ZNF804A: variants seen among roughly 807,000 people sequenced by gnomAD.
ZNF804A encodes the protein zinc finger protein 804A.
In ZNF804A, 2 loss-of-function variants were observed where a neutral mutation model predicts 16.5. The observed-to-expected ratio is 0.12, with a 90% CI of 0.05 to 0.38. The LOEUF (loss-of-function observed/expected upper bound fraction) is 0.38, where lower values mean the gene tolerates loss of function less well. Ranked by LOEUF, ZNF804A falls within the 10% of genes least tolerant of loss-of-function variation. The pLI is 0.99. For missense variants in ZNF804A, 1,473 were observed against 1,390.7 expected (o/e 1.06, Z -0.94); for synonymous variants, 534 against 489.6 (o/e 1.09, Z -1.20).
Position 184,936,428 on chromosome 2 carries a change from A to C in ZNF804A, c.1032A>C (p.Glu344Asp), listed in dbSNP as rs752681458. ...CACTAGAGAGTGTTGTTATTAATGAAGACATACCTGTTAGTGGTAACAGTT... is the reference window on the plus strand; with the variant it reads ...CACTAGAGAGTGTTGTTATTAATGACGACATACCTGTTAGTGGTAACAGTT... ...QIPLESVVINEDIPVSGNSFE... is the reference protein window; with the variant it reads ...QIPLESVVINDDIPVSGNSFE... The change falls in exon 4 of 4, where the codon GAA becomes GAC. Residue 344 changes from glutamate to aspartate, a missense_variant. Glu to Asp is a conservative substitution (Grantham distance 45, BLOSUM62 2). Transcript: ENST00000302277. 1 of 1,613,996 alleles carries C rather than the reference A, an allele frequency of 6.2e-7. No individual in the cohort carries two copies.
chr2:184,617,434 T>C (rs2105676967), intron 1 of ZNF804A, among the ~76,000 whole-genome samples: 1 of 151,956 alleles, frequency 6.6e-6, no homozygotes, highest in East Asian at 1.9e-4. Flanking sequence ...ATCATGTAAT[T>C]TGAAAAATAA....
chr2:184,751,946 G>C (rs2105758779), intron 1 of ZNF804A, among the ~76,000 whole-genome samples: 1 of 151,832 alleles, frequency 6.6e-6, no homozygotes, highest in South Asian at 2.1e-4. Context: ...TGTTACATCA[G>C]TCAAAATAGC....
intron 2 of ZNF804A, among the ~76,000 whole-genome samples, chr2:184,899,493 G>A (rs1253421633): frequency 6.6e-6 from 1 of 151,904 alleles, no homozygotes; most frequent in Non-Finnish European, 1.5e-5. Context: ...AATGCAGATG[G>A]CATGGATTCT....
At chr2:184,935,728 A>G (rs1334364064) in intron 3 of ZNF804A, 55 bp from the exon 4 acceptor site, 5 of 1,457,856 alleles carry the variant, frequency 3.4e-6, no homozygotes, top group Non-Finnish European at 4.6e-6. Context: ...ATATTTGACT[A>G]TTTTTTTTTC....
At chr2:184,795,685 C>A (rs1245784222) in intron 1 of ZNF804A, among the ~76,000 whole-genome samples, 1 of 151,816 alleles carries the variant, frequency 6.6e-6, no homozygotes, top group Non-Finnish European at 1.5e-5. Flanking sequence ...CAAGTTTAAC[C>A]AAGAAAAGAA....
intron 1 of ZNF804A, among the ~76,000 whole-genome samples, chr2:184,625,334 T>C (rs972543862): frequency 6.6e-6 from 1 of 152,182 alleles, no homozygotes; most frequent in African/African-American, 2.4e-5. Flanking sequence ...TTATTTTTTC[T>C]CACAAAGTCA....
intron 1 of ZNF804A, among the ~76,000 whole-genome samples, chr2:184,700,600 T>G (rs184271267): frequency 6.6e-6 from 1 of 152,148 alleles, no homozygotes; most frequent in Non-Finnish European, 1.5e-5. Flanking sequence ...AACCTGTAAA[T>G]TCATTGGAAG....
At chr2:184,912,423 T>A (rs576405998) in intron 2 of ZNF804A, among the ~76,000 whole-genome samples, 1 of 152,088 alleles carries the variant, frequency 6.6e-6, no homozygotes, top group South Asian at 2.1e-4. Flanking sequence ...TGTGTAAAAT[T>A]TTTTGTTTGA....
rs189626928 is a variant in ZNF804A at position 184,776,051 on chromosome 2, G to A, written c.112-90318G>A. Among the ~76,000 whole-genome samples, 13 of 151,664 alleles carry A rather than the reference G, an allele frequency of 8.6e-5. No homozygotes were observed. The East Asian group carries it at 2.1e-3, about 25-fold the overall frequency. ...CAAGTATTTACTAAGCACCTTGTTT[G>A]TACCAGGCACCATTTAAAATGACAC... On this transcript the variant is annotated intron_variant, in intron 1 of 3. Coordinates refer to ENST00000302277, the MANE Select transcript of ZNF804A (RefSeq NM_194250.2).
intron 1 of ZNF804A, among the ~76,000 whole-genome samples, chr2:184,753,353 A>G (rs1693904476): frequency 2.0e-5 from 3 of 151,752 alleles, no homozygotes; most frequent in Admixed American, 1.3e-4. Context: ...CAAGATAGTC[A>G]TACATAAAAT....
chr2:184,675,293 T>A (rs2105715256), intron 1 of ZNF804A, among the ~76,000 whole-genome samples: 1 of 151,936 alleles, frequency 6.6e-6, no homozygotes, highest in South Asian at 2.1e-4. Context: ...ATTATGACTA[T>A]CTTAAAGTAC....
intron 1 of ZNF804A, among the ~76,000 whole-genome samples, chr2:184,836,690 T>C (rs1353990893): frequency 6.7e-6 from 1 of 148,670 alleles, no homozygotes; most frequent in Non-Finnish European, 1.5e-5. Context: ...TGTGTATATA[T>C]ATATATATTT....
chr2:184,878,103 A>G (rs370385617), intron 2 of ZNF804A, among the ~76,000 whole-genome samples: 10 of 152,246 alleles, frequency 6.6e-5, no homozygotes, highest in Non-Finnish European at 1.0e-4. Context: ...GTGTTATGCA[A>G]CAAGTTTGTT....
At chr2:184,606,795 A>G (rs1377914222) in intron 1 of ZNF804A, among the ~76,000 whole-genome samples, 1 of 151,872 alleles carries the variant, frequency 6.6e-6, no homozygotes, top group Non-Finnish European at 1.5e-5. Context: ...TCCTGCAATC[A>G]CTGAGTCAGT....
At chr2:184,698,969 T>G (rs995254874) in intron 1 of ZNF804A, among the ~76,000 whole-genome samples, 1 of 152,234 alleles carries the variant, frequency 6.6e-6, no homozygotes, top group Non-Finnish European at 1.5e-5. Flanking sequence ...AAGATTAATT[T>G]ACTGGACCAA....
At chr2:184,663,701 A>C (rs1168389777) in intron 1 of ZNF804A, among the ~76,000 whole-genome samples, 4 of 152,102 alleles carry the variant, frequency 2.6e-5, no homozygotes, top group African/African-American at 9.7e-5. Context: ...ACCGATGGCA[A>C]CCCATGGACC....
intron 1 of ZNF804A, among the ~76,000 whole-genome samples, chr2:184,772,065 A>G (rs898127380): frequency 1.3e-5 from 2 of 151,966 alleles, no homozygotes; most frequent in Non-Finnish European, 2.9e-5. Flanking sequence ...GTCCATTATA[A>G]TGTTAATGTT....
At chr2:184,931,263 C>CT (rs1322390062) in intron 2 of ZNF804A, among the ~76,000 whole-genome samples, 1 of 152,238 alleles carries the variant, frequency 6.6e-6, no homozygotes, top group Non-Finnish European at 1.5e-5. Flanking sequence ...AGTGGGGACT[C>CT]TATGTGGGGG....
chr2:184,934,793 A>G (rs1049879554), intron 3 of ZNF804A, among the ~76,000 whole-genome samples: 1 of 152,160 alleles, frequency 6.6e-6, no homozygotes, highest in South Asian at 2.1e-4. Context: ...TATAAAGCAC[A>G]TATTTTACAT....
Sources: allele counts gnomAD v4.1 joint callset (sites outside exome capture counted in the v4.1 genomes callset), GRCh38; gene constraint gnomAD v4.1.1; transcripts MANE v1.5; gene names NCBI Gene and HGNC (gene_info 2026-07-23, HGNC 2026-07-21).